LMTK2: variants seen among roughly 807,000 people sequenced by gnomAD.
LMTK2 encodes the protein serine/threonine-protein kinase LMTK2.
LMTK2 carries 37 observed loss-of-function variants against 127.5 expected under a neutral mutation model. The ratio of observed to expected loss-of-function variants is 0.29; its 90% confidence interval spans 0.22 to 0.38. The LOEUF is 0.38. LMTK2 is among the 10% of genes least tolerant of loss of function. The pLI, the probability that LMTK2 is intolerant of heterozygous loss-of-function variation, is 1.00. For synonymous variants in LMTK2, 819 were observed against 810.1 expected, an observed-to-expected ratio of 1.01 and a Z score of -0.19; for missense variants, 1,694 against 1,920.3, an observed-to-expected ratio of 0.88 and a Z score of 2.20.
At position 98,192,490 on chromosome 7, in the gene LMTK2, C is replaced by A; in HGVS notation, c.2025C>A (p.Asn675Lys). Residue 675 changes from asparagine (N) to lysine (K), a missense_variant, in exon 11 of 14, where the codon AAC (asparagine) becomes AAA (lysine). Physicochemically the swap from Asn to Lys is moderately conservative, Grantham distance 94. Transcript: ENST00000297293. ...KPATLSSSLD[N>K]PKESVITGHF... ...CCACTTTAAGTTCCAGTTTGGATAA[C>A]CCCAAAGAGTCAGTCATAACAGGCC... 1 of 1,611,670 alleles carries A rather than the reference C, an allele frequency of 6.2e-7. No individual in the cohort carries two copies.
intron 3 of LMTK2, among the ~76,000 whole-genome samples, chr7:98,143,762 G>A (rs1188655138): frequency 6.6e-6 from 1 of 152,154 alleles, no homozygotes; most frequent in East Asian, 1.9e-4. Flanking sequence ...ACTCTTGATC[G>A]AGCAGTTCCA....
intron 2 of LMTK2, among the ~76,000 whole-genome samples, chr7:98,138,004 G>C (rs1419327501): frequency 6.6e-6 from 1 of 152,192 alleles, no homozygotes; most frequent in African/African-American, 2.4e-5. Context: ...GGAGGAGGAG[G>C]CTGCAGATTG....
chr7:98,162,116 T>C (rs369369626), intron 6 of LMTK2, among the ~76,000 whole-genome samples: 4 of 152,334 alleles, frequency 2.6e-5, no homozygotes, highest in African/African-American at 9.6e-5. Flanking sequence ...CTCCGCTTCA[T>C]GTTTTCTTCT....
intron 7 of LMTK2, among the ~76,000 whole-genome samples, chr7:98,183,277 A>G (rs1394769329): frequency 3.3e-5 from 5 of 152,180 alleles, no homozygotes; most frequent in Admixed American, 2.0e-4. Flanking sequence ...AACATTTACA[A>G]TCTATTCTTT....
chr7:98,134,123 T>TGCC (rs1796565754), intron 1 of LMTK2, among the ~76,000 whole-genome samples: 1 of 152,242 alleles, frequency 6.6e-6, no homozygotes, highest in Admixed American at 6.5e-5. Context: ...CAGTCTGGCC[T>TGCC]GCCACTGTCC....
At chr7:98,113,914 G>GT (rs1462354184) in intron 1 of LMTK2, among the ~76,000 whole-genome samples, 2 of 151,028 alleles carry the variant, frequency 1.3e-5, no homozygotes, top group Non-Finnish European at 2.9e-5. Context: ...TATCAGAAAA[G>GT]TAACCTCATT....
Position 98,193,503 on chromosome 7 carries a change from T to C in LMTK2, c.3038T>C (p.Leu1013Ser), listed in dbSNP as rs759893757. ...VDVHEALLDSLGSHTPQKLVP... is the reference protein window; with the variant it reads ...VDVHEALLDSSGSHTPQKLVP... The stretch of plus-strand genomic sequence containing the variant: ...GTCCACGAAGCGCTACTGGACTCTT[T>C]AGGATCTCACACTCCCCAGAAACTA... Residue 1013 changes from leucine to serine, a missense_variant, in exon 11 of 14, where the codon TTA (leucine) becomes TCA (serine). By Grantham distance (145) the Leu-to-Ser change is moderately radical. Transcript: ENST00000297293. The surrounding 1 kb of genome is among the most constrained non-coding windows in gnomAD (Gnocchi z 4.1). The C allele has an allele frequency of 4.3e-6, 7 of 1,613,998 alleles. No individual in the cohort carries two copies. The East Asian group carries it at 1.1e-4, about 26-fold the overall frequency.
At chr7:98,202,646 C>T (rs182501337) in intron 11 of LMTK2, among the ~76,000 whole-genome samples, 286 of 152,282 alleles carry the variant, frequency 1.9e-3, no homozygotes, top group African/African-American at 6.8e-3. Flanking sequence ...GCTCCCAGTT[C>T]CCCTTTCAAA....
intron 9 of LMTK2, among the ~76,000 whole-genome samples, chr7:98,187,619 G>T (rs7781013): frequency 0.91 from 137,994 of 150,978 alleles, 63,488 homozygotes; most frequent in Non-Finnish European, 0.97. Flanking sequence ...TGTTGTTGTT[G>T]TTTTGAGATA....
At chr7:98,191,023 T>C (rs990060181) in intron 10 of LMTK2, 146 bp downstream of exon 10, 4 of 752,334 alleles carry the variant, frequency 5.3e-6, no homozygotes, top group Non-Finnish European at 4.4e-6. Flanking sequence ...CTTAATGTGG[T>C]TGGCAGTGAT....
At chr7:98,172,883 G>A (rs754716751) in intron 7 of LMTK2, among the ~76,000 whole-genome samples, 3 of 151,988 alleles carry the variant, frequency 2.0e-5, no homozygotes, top group Non-Finnish European at 1.5e-5. Flanking sequence ...TCAGCCTTCC[G>A]AGTAGCTGGG....
chr7:98,143,770 C>A (rs1352157635), intron 3 of LMTK2, among the ~76,000 whole-genome samples: 1 of 152,122 alleles, frequency 6.6e-6, no homozygotes, highest in Non-Finnish European at 1.5e-5. Flanking sequence ...TCGAGCAGTT[C>A]CACTTTTAGT....
chr7:98,113,741 G>A (rs945040103), intron 1 of LMTK2, among the ~76,000 whole-genome samples: 1 of 152,046 alleles, frequency 6.6e-6, no homozygotes, highest in African/African-American at 2.4e-5. Flanking sequence ...GCTTTTCTTT[G>A]AATCTTCTTA....
Position 98,141,439 on chromosome 7 carries a change from CCAG to C in LMTK2, c.278_280del (p.Ala93del), listed in dbSNP as rs1790846202. The C allele has an allele frequency of 6.2e-7, 1 of 1,613,292 alleles. No homozygotes were observed. Among genetic ancestry groups the C allele is most frequent in the South Asian group, 1.1e-5 (1 of 91,074 alleles). On this transcript the variant is annotated inframe_deletion, in exon 3 of 14. Transcript: ENST00000297293. Reference sequence around the variant, plus strand: ...TGATGATGAGATAGATTTCACACCACCAGCAGAAGACACTCCCTCTGTTCAGTC... The same window carrying C: ...TGATGATGAGATAGATTTCACACCACCAGAAGACACTCCCTCTGTTCAGTC...
intron 7 of LMTK2, among the ~76,000 whole-genome samples, chr7:98,173,681 G>T (rs6966940): frequency 0.99 from 150,782 of 152,300 alleles, 74,659 homozygotes; most frequent in Middle Eastern, 1. Context: ...TAATTTCAAA[G>T]TTTGTGGACT....
At chr7:98,145,353 T>G (rs1796757031) in intron 3 of LMTK2, among the ~76,000 whole-genome samples, 1 of 152,062 alleles carries the variant, frequency 6.6e-6, no homozygotes, top group African/African-American at 2.4e-5. Flanking sequence ...ATATAGTAAA[T>G]TTTACAGTTT....
intron 10 of LMTK2, 63 bp downstream of exon 10, chr7:98,190,940 A>G: frequency 6.6e-7 from 1 of 1,508,248 alleles, no homozygotes; most frequent in Non-Finnish European, 9.1e-7. Flanking sequence ...CCCAAAACAC[A>G]AAAAAATTCG....
rs1797783167 is a variant in LMTK2, at chr7:98,205,719, C to T, written c.*227C>T. 1.7e-6 allele frequency: 1 copy of T among 590,288 alleles called. No individual in the cohort carries two copies. The highest frequency in any genetic ancestry group is 2.8e-5 in the East Asian group (1 of 35,516). 36.6% of individuals were successfully genotyped at this position (590,288 alleles called of 1,614,324 possible). ...CAGGAGCCGGCGTCCCTCAGTGCCCCGTGCACCCGCGGCCGCGGCCTCCCA... is the reference window on the plus strand; with the variant it reads ...CAGGAGCCGGCGTCCCTCAGTGCCCTGTGCACCCGCGGCCGCGGCCTCCCA... On this transcript the variant is annotated 3_prime_UTR_variant, in exon 14 of 14. Coordinates refer to ENST00000297293, the MANE Select transcript of LMTK2 (RefSeq NM_014916.4).
chr7:98,128,505 C>G (rs757418941), intron 1 of LMTK2, among the ~76,000 whole-genome samples: 7 of 152,222 alleles, frequency 4.6e-5, no homozygotes, highest in Non-Finnish European at 8.8e-5. Context: ...CTGTTGAAAC[C>G]CCCAGCCTGT....
Sources: allele counts gnomAD v4.1 joint callset (sites outside exome capture counted in the v4.1 genomes callset), GRCh38; gene constraint gnomAD v4.1.1; non-coding constraint Gnocchi (gnomAD v3.1); transcripts MANE v1.5; gene names NCBI Gene and HGNC (gene_info 2026-07-23, HGNC 2026-07-21).